Variants in FBXL17 observed in about 807,000 individuals in gnomAD.
The protein encoded by FBXL17 is F-box and leucine rich repeat protein 17.
In FBXL17, 22 loss-of-function variants were observed where a neutral mutation model predicts 66.2. The observed-to-expected ratio is 0.33, with a 90% CI of 0.24 to 0.47. The LOEUF is 0.47. FBXL17 is among the 20% of genes least tolerant of loss of function. The pLI is 1.00. For synonymous variants in FBXL17, 474 were observed against 400.5 expected (o/e 1.18, Z -2.19); for missense variants, 878 against 948.2 (o/e 0.93, Z 0.97).
chr5:108,261,645 A>C (rs147255465), intron 4 of FBXL17, among the ~76,000 whole-genome samples: 1 of 152,124 alleles, frequency 6.6e-6, no homozygotes, highest in African/African-American at 2.4e-5. Context: ...CATTCTAGAG[A>C]AAGTATTCAA....
intron 6 of FBXL17, among the ~76,000 whole-genome samples, chr5:108,080,394 T>C (rs192208733): frequency 9.6e-4 from 146 of 152,354 alleles, no homozygotes; most frequent in Non-Finnish European, 1.6e-3. Flanking sequence ...ACATTTCCCA[T>C]CTTGTTCAGA....
chr5:108,217,507 G>T (rs889465987), intron 5 of FBXL17, among the ~76,000 whole-genome samples: 2 of 151,674 alleles, frequency 1.3e-5, no homozygotes, highest in Admixed American at 1.3e-4. Flanking sequence ...CTAGCTTTTG[G>T]TTTCATTAAT....
At chr5:108,016,163 T>C (rs1460915102) in intron 7 of FBXL17, among the ~76,000 whole-genome samples, 1 of 152,232 alleles carries the variant, frequency 6.6e-6, no homozygotes, top group Non-Finnish European at 1.5e-5. Flanking sequence ...CCTCCTTGAC[T>C]TGGAAGACCT....
At position 108,380,985 on chromosome 5, in the gene FBXL17, C is replaced by T. The variant is rs1314173558; in HGVS notation, c.707G>A (p.Gly236Asp). ...GTCGGGGGGCCGGGGCGGCGAAGCG[C>T]CTCCCCCCGCAGGCCCTCCCCCGCC... is the stretch of plus-strand genomic sequence containing the variant. The part of the protein sequence containing the change: ...GGGGGGPAGG[G>D]ASPPRPPDAG... Residue 236 changes from glycine (G) to aspartate (D), a missense_variant, in exon 1 of 9, where the codon GGC (glycine) becomes GAC (aspartate). Coordinates refer to ENST00000542267, the MANE Select transcript of FBXL17 (RefSeq NM_001163315.3). The T allele has an allele frequency of 1.6e-6, 2 of 1,212,372 alleles. No homozygotes were observed. The highest frequency in any genetic ancestry group is 3.2e-5 in the African/African-American group (2 of 63,284). The allele number at this position is 1,212,372 out of a possible 1,614,324, so 75.1% of individuals were successfully genotyped here.
At chr5:108,308,240 ATAG>A (rs1413187952) in intron 4 of FBXL17, among the ~76,000 whole-genome samples, 5 of 152,282 alleles carry the variant, frequency 3.3e-5, no homozygotes, top group East Asian at 3.9e-4. Flanking sequence ...AGTAAAAATA[ATAG>A]TAGTAGAAAT....
In FBXL17 at chr5:108,380,834, G is replaced by A. The variant is rs545468228; in HGVS notation, c.858C>T (p.Pro286=). The A allele has an allele frequency of 2.4e-6, 3 of 1,247,552 alleles. No individual in the cohort carries two copies. Among genetic ancestry groups the A allele is most frequent in the East Asian group, 3.2e-5 (1 of 31,662 alleles). 77.3% of individuals were successfully genotyped at this position (1,247,552 alleles called of 1,614,324 possible). A position where few individuals can be genotyped will look rare whatever the true frequency, so the allele number is the denominator to read the frequency against. Residue 286 remains proline, a synonymous_variant, in exon 1 of 9, where the codon CCC becomes CCT. Transcript: ENST00000542267. ...ATTCATGCTGCTGCTGGGCGGACAA[G>A]GGGGCGGTGCCCCCGGCTCGGACAG... ...GDAVRAGGTA[P]LSAQQQHECG...
At chr5:108,132,218 C>A (rs903035018) in intron 6 of FBXL17, among the ~76,000 whole-genome samples, 77 of 152,290 alleles carry the variant, frequency 5.1e-4, no homozygotes, top group Admixed American at 1.6e-3. Flanking sequence ...TCAGGTAATC[C>A]GCCCGCATCA....
At chr5:108,284,086 G>A (rs1365127844) in intron 4 of FBXL17, among the ~76,000 whole-genome samples, 2 of 151,826 alleles carry the variant, frequency 1.3e-5, no homozygotes, top group Non-Finnish European at 2.9e-5. Context: ...ACACTGTAGT[G>A]GGCATGTAAA....
intron 1 of FBXL17, among the ~76,000 whole-genome samples, chr5:108,371,177 AT>A (rs1384593433): frequency 6.6e-6 from 1 of 152,158 alleles, no homozygotes; most frequent in Non-Finnish European, 1.5e-5. Context: ...CCTACTGGCT[AT>A]GTCCCAAATG....
chr5:107,997,251 CTAA>C (rs1266173752), intron 7 of FBXL17, among the ~76,000 whole-genome samples: 1 of 152,118 alleles, frequency 6.6e-6, no homozygotes, highest in Non-Finnish European at 1.5e-5. Flanking sequence ...CAGTATAATA[CTAA>C]TAATACAGAT....
chr5:108,275,712 A>G (rs1289050221), intron 4 of FBXL17, among the ~76,000 whole-genome samples: 1 of 152,204 alleles, frequency 6.6e-6, no homozygotes, highest in African/African-American at 2.4e-5. Flanking sequence ...ACAAAGAGAG[A>G]CTTAAGTCTC....
At chr5:108,332,323 G>T (rs1760161108) in intron 4 of FBXL17, among the ~76,000 whole-genome samples, 1 of 152,116 alleles carries the variant, frequency 6.6e-6, no homozygotes, top group South Asian at 2.1e-4. Context: ...ACCAACGATT[G>T]TAACTAGTAA....
At chr5:108,084,536 TG>T (rs1748902769) in intron 6 of FBXL17, among the ~76,000 whole-genome samples, 1 of 152,164 alleles carries the variant, frequency 6.6e-6, no homozygotes, top group East Asian at 1.9e-4. Flanking sequence ...TCATGAAAAC[TG>T]GTTAAGGGAT....
intron 7 of FBXL17, among the ~76,000 whole-genome samples, chr5:107,991,816 C>T (rs1330039958): frequency 6.6e-6 from 1 of 152,108 alleles, no homozygotes; most frequent in African/African-American, 2.4e-5. Flanking sequence ...TTATAATATC[C>T]TTTCATTAGC....
intron 3 of FBXL17, among the ~76,000 whole-genome samples, chr5:108,358,991 G>A (rs766122485): frequency 5.9e-5 from 9 of 151,898 alleles, no homozygotes; most frequent in Non-Finnish European, 1.0e-4. Flanking sequence ...CCTGCCTCAG[G>A]CTCATGAGTA....
chr5:108,112,155 G>T (rs1053526917), intron 6 of FBXL17, among the ~76,000 whole-genome samples: 2 of 152,232 alleles, frequency 1.3e-5, no homozygotes, highest in Non-Finnish European at 2.9e-5. Flanking sequence ...CAGATGCACA[G>T]AAAGGGCAAG....
intron 4 of FBXL17, among the ~76,000 whole-genome samples, chr5:108,314,782 T>G (rs1173133052): frequency 6.6e-6 from 1 of 151,476 alleles, no homozygotes; most frequent in Admixed American, 6.6e-5. Context: ...CTATCCTATG[T>G]TTATATAACA....
chr5:108,177,911 G>GTATATATATATATATATATATATATA (rs70996985), intron 6 of FBXL17, among the ~76,000 whole-genome samples: 12 of 115,250 alleles, frequency 1.0e-4, no homozygotes, highest in Admixed American at 1.9e-4. Flanking sequence ...AAAAAAAAAT[G>GTATATATATATATATATATATATATA]TATATATATA....
chr5:108,019,731 C>T (rs1754517083), intron 7 of FBXL17, among the ~76,000 whole-genome samples: 1 of 151,820 alleles, frequency 6.6e-6, no homozygotes, highest in Non-Finnish European at 1.5e-5. Flanking sequence ...CTAGACAATG[C>T]AAGACATAAG....
Sources: gnomAD v4.1 joint callset for allele counts (sites outside exome capture counted in the v4.1 genomes callset) on GRCh38, gnomAD v4.1.1 for gene constraint, MANE v1.5 for transcripts, NCBI Gene and HGNC (gene_info 2026-07-23, HGNC 2026-07-21) for gene names.